The following ITIH3 variants were observed in gnomAD, a reference collection of about 807,000 sequenced individuals.
ITIH3 encodes inter-alpha-trypsin inhibitor heavy chain 3.
Under a neutral mutation model 96.5 loss-of-function variants are expected in ITIH3, and 81 were observed. The ratio of observed to expected loss-of-function variants is 0.84; its 90% CI spans 0.70 to 1.01. The LOEUF (loss-of-function observed/expected upper bound fraction) is 1.01. Ranked by LOEUF, ITIH3 falls within the 50% of genes least tolerant of loss-of-function variation. The pLI, the probability that ITIH3 is intolerant of heterozygous loss-of-function variation, is 0.00. For missense variants in ITIH3, 1,057 were observed against 1,139.3 expected (o/e 0.93, Z 1.04); for synonymous variants, 422 against 445.2 (o/e 0.95, Z 0.66).
chr3:52,805,837 C>T lies in ITIH3; in HGVS notation c.1903C>T (p.Leu635=). The T allele has an allele frequency of 6.2e-7, 1 of 1,613,826 alleles. No homozygotes were observed. Among genetic ancestry groups the T allele is most frequent in the African/African-American group, 1.3e-5 (1 of 75,026 alleles). ...ACCGGTGAGCCCCGCCATGTCCTACCTGAGTGAGTACATGCTGGCAGCTGC... is the reference window on the plus strand; with the variant it reads ...ACCGGTGAGCCCCGCCATGTCCTACTTGAGTGAGTACATGCTGGCAGCTGC... ...ATPVSPAMSY[L]TSYQPPQNPY... Residue 635 remains leucine (L), a synonymous_variant, in exon 16 of 22, where the codon CTG becomes TTG. Coordinates refer to ENST00000449956, the MANE Select transcript of ITIH3 (RefSeq NM_002217.4).
At chr3:52,798,822 A>C (rs1578753725) in intron 6 of ITIH3, 144 bp from the exon 7 acceptor site, 1 of 984,456 alleles carries the variant, frequency 1.0e-6, no homozygotes, top group Non-Finnish European at 1.5e-6. Flanking sequence ...AGGGCTGCCC[A>C]GGCCTCCAGC....
chr3:52,794,840 C>T lies in ITIH3; in HGVS notation c.37C>T (p.Leu13=). Residue 13 remains leucine (L), a synonymous_variant, in exon 1 of 22, where the codon CTG becomes TTG. Transcript: ENST00000449956. ...ATGGTGGCCCTGTCTCATCTTGGCT[C>T]TGCTCTCCAGCTTGGCAGCCTCTGG... ...FAWWPCLILA[L]LSSLAASGFP... is the part of the protein sequence containing the mutation. 6.2e-7 allele frequency: 1 copy of T among 1,614,036 alleles called. No homozygotes were observed.
At chr3:52,802,192 C>A (rs933886302) in intron 11 of ITIH3, 142 bp from the exon 12 acceptor site, 7 of 825,272 alleles carry the variant, frequency 8.5e-6, no homozygotes, top group African/African-American at 7.0e-5. Flanking sequence ...CCCCCACAGA[C>A]TGAAGGACGC....
intron 6 of ITIH3, among the ~76,000 whole-genome samples, chr3:52,798,175 T>C (rs1400205489): frequency 6.6e-6 from 1 of 152,182 alleles, no homozygotes; most frequent in East Asian, 1.9e-4. Context: ...CCGTTCCCCC[T>C]TGGGAAATGG....
chr3:52,800,040 G>A, intron 9 of ITIH3, 119 bp downstream of exon 9: 1 of 922,062 alleles, frequency 1.1e-6, no homozygotes, highest in Non-Finnish European at 1.6e-6. Context: ...ATCTGAGCTG[G>A]GGTAGAGGTG....
In ITIH3 at chr3:52,808,743, C is replaced by T. The variant is rs1343350174; in HGVS notation, c.*62C>T. 2.3e-5 allele frequency: 36 copies of T among 1,575,828 alleles called. No individual in the cohort carries two copies. The highest frequency in any genetic ancestry group is 3.0e-5 in the Non-Finnish European group (35 of 1,148,702). ...GATTTTATGGCATCTGGAACATGGG[C>T]ACAGAGAGGGGCCTGTGGGAGGGGC... On this transcript the variant is annotated 3_prime_UTR_variant, in exon 22 of 22. Transcript: ENST00000449956.
rs369253803 is a variant in ITIH3, at chr3:52,801,089, G to T, written c.1326G>T (p.Glu442Asp). The stretch of plus-strand genomic sequence containing the variant: ...ACTTCCTGGAGAACATGGCCCTGGA[G>T]AACCATGGGTTTGCCCGGCGCATTT... Reference protein sequence around the residue: ...NYNFLENMALENHGFARRIYE... With the variant: ...NYNFLENMALDNHGFARRIYE... The change falls in exon 11 of 22, where the codon GAG (glutamate) becomes GAT (aspartate). Residue 442 changes from glutamate to aspartate, a missense_variant. By Grantham distance (45) the Glu-to-Asp change is conservative. Transcript: ENST00000449956. 1 of 1,609,516 alleles carries T rather than the reference G, an allele frequency of 6.2e-7. No individual in the cohort carries two copies. The highest frequency in any genetic ancestry group is 8.5e-7 in the Non-Finnish European group (1 of 1,177,664).
chr3:52,805,836 C>T lies in ITIH3; in HGVS notation c.1902C>T (p.Tyr634=). 8.1e-6 allele frequency: 13 copies of T among 1,613,858 alleles called. No homozygotes were observed. Among genetic ancestry groups the T allele is most frequent in the Non-Finnish European group, 1.1e-5 (13 of 1,179,790 alleles). ...CACCGGTGAGCCCCGCCATGTCCTACCTGAGTGAGTACATGCTGGCAGCTG... is the reference window on the plus strand; with the variant it reads ...CACCGGTGAGCCCCGCCATGTCCTATCTGAGTGAGTACATGCTGGCAGCTG... ...EATPVSPAMS[Y]LTSYQPPQNP... The change falls in exon 16 of 22, where the codon TAC becomes TAT. Residue 634 remains tyrosine (Y), a synonymous_variant. Coordinates refer to ENST00000449956, the MANE Select transcript of ITIH3 (RefSeq NM_002217.4).
rs1699809791 is a variant in ITIH3, at chr3:52,800,996, T to C, written c.1233T>C (p.Asn411=). Residue 411 remains asparagine, a synonymous_variant, in exon 11 of 22, where the codon AAT becomes AAC. Transcript: ENST00000449956. ...GCAGACCCGAAAAAATCCAAGAGAATGTGCGGAATGCCATCGGGGGCAAGT... is the reference window on the plus strand; with the variant it reads ...GCAGACCCGAAAAAATCCAAGAGAACGTGCGGAATGCCATCGGGGGCAAGT... ...GESRPEKIQE[N]VRNAIGGKFP... The C allele has an allele frequency of 6.2e-7, 1 of 1,614,036 alleles. No individual in the cohort carries two copies. Among genetic ancestry groups the C allele is most frequent in the Non-Finnish European group, 8.5e-7 (1 of 1,179,884 alleles).
At chr3:52,807,667 C>T (rs1700104526) in intron 19 of ITIH3, 80 bp from the exon 20 acceptor site, 3 of 1,416,862 alleles carry the variant, frequency 2.1e-6, no homozygotes, top group African/African-American at 1.4e-5. Context: ...CAGGGGAGGC[C>T]CCACCAAAAC....
At chr3:52,796,295 G>A (rs1699576939) in intron 2 of ITIH3, among the ~76,000 whole-genome samples, 186 bp from the exon 3 acceptor site, 2 of 152,158 alleles carry the variant, frequency 1.3e-5, no homozygotes, top group Admixed American at 6.5e-5. Flanking sequence ...CTGAATAATG[G>A]TGGCCACCAG....
intron 16 of ITIH3, 54 bp downstream of exon 16, chr3:52,805,894 C>A (rs1700022382): frequency 6.3e-7 from 1 of 1,598,468 alleles, no homozygotes; most frequent in South Asian, 1.1e-5. Context: ...CCTGCCCCTG[C>A]CACATGTCCC....
rs1700103238 is a variant in ITIH3 at position 52,807,629 on chromosome 3, G to T, written c.2262-118G>T. The stretch of plus-strand genomic sequence containing the variant: ...TCCAACGCCCCTGAGATAGTTTCTG[G>T]AGTCTGTGGGCCCTCGGGTGCCATG... On this transcript the variant is annotated intron_variant, in intron 19 of 21. Coordinates refer to ENST00000449956, the MANE Select transcript of ITIH3 (RefSeq NM_002217.4). 3 of 872,826 alleles carry T rather than the reference G, an allele frequency of 3.4e-6. No homozygotes were observed. In the East Asian group the frequency reaches 8.0e-5, roughly 23 times the overall value. The allele number at this position is 872,826 out of a possible 1,614,324, so 54.1% of individuals were successfully genotyped here.
intron 5 of ITIH3, 42 bp downstream of exon 5, chr3:52,797,309 G>A (rs754653313): frequency 1.1e-5 from 17 of 1,565,598 alleles, no homozygotes; most frequent in Non-Finnish European, 1.4e-5. Context: ...CGGCAGCGGG[G>A]TGCAGGAACC....
chr3:52,799,876 C>A lies in ITIH3; in HGVS notation c.1030C>A (p.Leu344Ile), dbSNP rs1486251558. The change falls in exon 9 of 22, where the codon CTC (leucine) becomes ATC (isoleucine). Residue 344 changes from leucine to isoleucine, a missense_variant. By Grantham distance (5) the Leu-to-Ile change is conservative. Coordinates refer to ENST00000449956, the MANE Select transcript of ITIH3 (RefSeq NM_002217.4). ...EHLVQATPENLQEARTFVKSM... is the reference protein window; with the variant it reads ...EHLVQATPENIQEARTFVKSM... ...CTTAGTCCAGGCCACGCCCGAGAAC[C>A]TCCAGGAGGCCAGGACGTTTGTGAA... The A allele has an allele frequency of 6.2e-7, 1 of 1,613,908 alleles. No individual in the cohort carries two copies. The highest frequency in any genetic ancestry group is 1.7e-5 in the Admixed American group (1 of 60,024).
intron 9 of ITIH3, 58 bp downstream of exon 9, chr3:52,799,979 C>A: frequency 6.5e-7 from 1 of 1,527,976 alleles, no homozygotes; most frequent in South Asian, 1.2e-5. Flanking sequence ...TGTCCCTGAG[C>A]AGCCTGCAAC....
intron 13 of ITIH3, among the ~76,000 whole-genome samples, 171 bp from the exon 14 acceptor site, chr3:52,803,684 C>T (rs1421244149): frequency 6.6e-6 from 1 of 152,230 alleles, no homozygotes; most frequent in African/African-American, 2.4e-5. Flanking sequence ...TTCACATGCC[C>T]CAGGGAGTTG....
intron 2 of ITIH3, 112 bp from the exon 3 acceptor site, chr3:52,796,369 G>A (rs1016809609): frequency 2.7e-5 from 23 of 866,844 alleles, no homozygotes; most frequent in East Asian, 8.0e-5. Context: ...TGAGGGTTGC[G>A]TGCCGGGCAG....
chr3:52,795,715 A>C (rs1399008964), intron 2 of ITIH3, 92 bp downstream of exon 2: 3 of 1,259,208 alleles, frequency 2.4e-6, no homozygotes, highest in African/African-American at 1.5e-5. Flanking sequence ...ATAACAGCTG[A>C]CTCCTCACAG....
Sources: allele counts gnomAD v4.1 joint callset (sites outside exome capture counted in the v4.1 genomes callset), GRCh38; gene constraint gnomAD v4.1.1; transcripts MANE v1.5; gene names NCBI Gene and HGNC (gene_info 2026-07-23, HGNC 2026-07-21).